PRPF3: variants seen among roughly 807,000 people sequenced by gnomAD.
PRPF3 encodes pre-mRNA processing factor 3, also known as U4/U6 small nuclear ribonucleoprotein Prp3.
Under a neutral mutation model 89.2 loss-of-function variants are expected in PRPF3, and 3 were observed. The observed-to-expected ratio is 0.03, with a 90% CI of 0.02 to 0.09. The LOEUF (loss-of-function observed/expected upper bound fraction) is 0.09, where lower values mean the gene tolerates loss of function less well. Among genes scored for constraint, PRPF3 ranks in the 10% least tolerant of loss-of-function variants. The pLI is 1.00. For missense variants in PRPF3, 463 were observed against 828.8 expected (o/e 0.56, Z 5.42); for synonymous variants, 270 against 289.1 (o/e 0.93, Z 0.67).
chr1:150,350,697 ACGC>A, intron 15 of PRPF3, among the ~76,000 whole-genome samples: 1 of 152,324 alleles, frequency 6.6e-6, no homozygotes, highest in Admixed American at 6.5e-5. Flanking sequence ...ACAGTGGCTC[ACGC>A]CTATAATCCC....
At chr1:150,349,072 T>G in intron 14 of PRPF3, 85 bp from the exon 15 acceptor site, 2 of 1,108,558 alleles carry the variant, frequency 1.8e-6, no homozygotes, top group Non-Finnish European at 2.8e-6. Flanking sequence ...GGTGATAATA[T>G]TTTAGAGAGT....
intron 1 of PRPF3, among the ~76,000 whole-genome samples, chr1:150,323,263 G>T (rs71622692): frequency 8.0e-6 from 1 of 125,760 alleles, no homozygotes; most frequent in Non-Finnish European, 1.6e-5. Context: ...CGCAACCTCC[G>T]CCTCCTGGGT....
chr1:150,341,064 C>T (rs2102000579), intron 9 of PRPF3, among the ~76,000 whole-genome samples: 1 of 140,440 alleles, frequency 7.1e-6, no homozygotes, highest in East Asian at 2.1e-4. Context: ...TGAGATGGTG[C>T]TGCTGCACTC....
intron 14 of PRPF3, 27 bp downstream of exon 14, chr1:150,346,518 G>A (rs1553872999): frequency 1.9e-6 from 3 of 1,586,384 alleles, no homozygotes; most frequent in Non-Finnish European, 2.6e-6. Flanking sequence ...GGGGATTAAG[G>A]GGGAGAGCTA....
Position 150,333,046 on chromosome 1 carries a change from C to A in PRPF3, c.575C>A (p.Ala192Asp). 1 of 1,614,152 alleles carries A rather than the reference C, an allele frequency of 6.2e-7. No homozygotes were observed. The highest frequency in any genetic ancestry group is 8.5e-7 in the Non-Finnish European group (1 of 1,180,030). ...PIGNTIQPSQ[A>D]ATFMNDAIEK... Reference sequence around the variant, plus strand: ...GGCAACACTATTCAGCCCTCCCAGGCTGCCACTTTCATGAATGATGCCATT... The same window carrying A: ...GGCAACACTATTCAGCCCTCCCAGGATGCCACTTTCATGAATGATGCCATT... The change falls in exon 6 of 16, where the codon GCT becomes GAT. Residue 192 changes from alanine to aspartate, a missense_variant. Transcript: ENST00000324862.
intron 1 of PRPF3, 27 bp from the exon 2 acceptor site, chr1:150,324,868 T>G: frequency 6.7e-7 from 1 of 1,498,412 alleles, no homozygotes; most frequent in Admixed American, 2.1e-5. Flanking sequence ...TTTCTTATTC[T>G]CTAACTTGTC....
Position 150,352,814 on chromosome 1 carries a change from T to A in PRPF3, c.1906-19T>A, listed in dbSNP as rs782392469. 8.1e-5 allele frequency: 131 copies of A among 1,612,188 alleles called. No individual in the cohort carries two copies. The highest frequency in any genetic ancestry group is 1.1e-4 in the Non-Finnish European group (129 of 1,178,544). ...TAAATAAGAAATTGAAGTGTTTTTA[T>A]TATATATCTCTTTTCTAGGGTACAG... is the stretch of plus-strand genomic sequence containing the variant. On this transcript the variant is annotated intron_variant, in intron 15 of 15. Coordinates refer to ENST00000324862, the MANE Select transcript of PRPF3 (RefSeq NM_004698.4).
chr1:150,340,617 T>A (rs1657590107), intron 9 of PRPF3, 140 bp downstream of exon 9: 1 of 726,948 alleles, frequency 1.4e-6, no homozygotes, highest in Non-Finnish European at 2.4e-6. Flanking sequence ...TAATTCAGTT[T>A]TTTTCCTGAC....
intron 5 of PRPF3, 42 bp downstream of exon 5, chr1:150,332,809 C>T (rs782133594): frequency 1.3e-6 from 2 of 1,598,468 alleles, no homozygotes; most frequent in South Asian, 1.1e-5. Context: ...ATCTTTGGCA[C>T]AGAATTTCTT....
At chr1:150,324,267 T>C (rs1325331153) in intron 1 of PRPF3, among the ~76,000 whole-genome samples, 1 of 152,206 alleles carries the variant, frequency 6.6e-6, no homozygotes, top group Non-Finnish European at 1.5e-5. Flanking sequence ...AGTTCTGTTT[T>C]AGTGTTACTA....
At position 150,333,169 on chromosome 1, in the gene PRPF3, C is replaced by T; in HGVS notation, c.698C>T (p.Ala233Val). 1 of 1,614,180 alleles carries T rather than the reference C, an allele frequency of 6.2e-7. No individual in the cohort carries two copies. The stretch of plus-strand genomic sequence containing the variant: ...GGCAATGCCAACATGGTGGGCCTGG[C>T]TAATCTCCATGCCATGGGCATTGCT... ...LIGNANMVGL[A>V]NLHAMGIAPP... Residue 233 changes from alanine (A) to valine (V), a missense_variant, in exon 6 of 16, where the codon GCT becomes GTT. Ala to Val is a moderately conservative substitution (Grantham distance 64). This residue lies in a region of PRPF3 where 261 missense variants were observed against 475.8 expected (regional missense o/e 0.55). Transcript: ENST00000324862.
intron 4 of PRPF3, among the ~76,000 whole-genome samples, chr1:150,328,951 C>T (rs1346642028): frequency 5.3e-5 from 8 of 151,966 alleles, no homozygotes; most frequent in Non-Finnish European, 1.2e-4. Context: ...CTTCGCCTCC[C>T]AGAGTGCTGG....
chr1:150,345,229 T>C (rs1658155114), intron 12 of PRPF3, among the ~76,000 whole-genome samples: 1 of 152,106 alleles, frequency 6.6e-6, no homozygotes, highest in Non-Finnish European at 1.5e-5. Flanking sequence ...TCAAAATGTC[T>C]CCTTTCTATT....
At chr1:150,329,449 C>T (rs1329898320) in intron 4 of PRPF3, among the ~76,000 whole-genome samples, 1 of 152,152 alleles carries the variant, frequency 6.6e-6, no homozygotes, top group Non-Finnish European at 1.5e-5. Context: ...GTGTTATGTA[C>T]ATTATTTGCC....
chr1:150,348,367 A>G (rs1485174282), intron 14 of PRPF3, among the ~76,000 whole-genome samples: 1 of 150,932 alleles, frequency 6.6e-6, no homozygotes, highest in Non-Finnish European at 1.5e-5. Context: ...ACAGAGCAAG[A>G]CTCCGTCTCA....
intron 3 of PRPF3, 116 bp from the exon 4 acceptor site, chr1:150,328,204 A>T: frequency 7.9e-7 from 1 of 1,266,338 alleles, no homozygotes; most frequent in Non-Finnish European, 1.1e-6. Flanking sequence ...GCTATTTGCA[A>T]GGTTGTGTCA....
intron 15 of PRPF3, among the ~76,000 whole-genome samples, chr1:150,352,091 G>A (rs922811124): frequency 6.6e-6 from 1 of 152,114 alleles, no homozygotes; most frequent in Non-Finnish European, 1.5e-5. Flanking sequence ...GTCTTTTTCT[G>A]TTGTAATTCT....
chr1:150,326,925 G>GT (rs1363887520), intron 3 of PRPF3, among the ~76,000 whole-genome samples: 3 of 151,974 alleles, frequency 2.0e-5, no homozygotes, highest in Non-Finnish European at 4.4e-5. Flanking sequence ...CTAAGTAGCA[G>GT]TTTCATGTAA....
intron 7 of PRPF3, 25 bp downstream of exon 7, chr1:150,335,266 G>C (rs782641477): frequency 2.5e-6 from 4 of 1,604,622 alleles, no homozygotes; most frequent in Non-Finnish European, 3.4e-6. Context: ...GTATAACACA[G>C]AATTTGGAAA....
Sources: allele counts gnomAD v4.1 joint callset (sites outside exome capture counted in the v4.1 genomes callset), GRCh38; gene constraint gnomAD v4.1.1; regional missense constraint gnomAD v4.1.1; transcripts MANE v1.5; gene names NCBI Gene and HGNC (gene_info 2026-07-23, HGNC 2026-07-21).